TLN2: variants seen among roughly 807,000 people sequenced by gnomAD.
TLN2 encodes talin 2, also known as talin-2.
Under a neutral mutation model 294.7 loss-of-function variants are expected in TLN2, and 118 were observed. That is an observed-to-expected ratio of 0.40 (90% CI 0.34 to 0.47). TLN2 has a LOEUF of 0.47. Among genes scored for constraint, TLN2 ranks in the 20% least tolerant of loss-of-function variants. TLN2 has a pLI of 0.84. For missense variants in TLN2, 3,083 were observed against 3,282.2 expected (o/e 0.94, Z 1.48); for synonymous variants, 1,431 against 1,304.5 (o/e 1.10, Z -2.09).
At chr15:62,771,254 C>T in intron 42 of TLN2, 120 bp downstream of exon 42, 3 of 1,141,532 alleles carry the variant, frequency 2.6e-6, no homozygotes, top group East Asian at 2.6e-5. Flanking sequence ...ATTTGAGCTC[C>T]CACTCTGAGA....
At chr15:62,793,426 C>T (rs887938616) in intron 46 of TLN2, among the ~76,000 whole-genome samples, 6 of 152,166 alleles carry the variant, frequency 3.9e-5, no homozygotes, top group African/African-American at 1.4e-4. Flanking sequence ...ACTTGATTTC[C>T]TCATCTGTAA....
At chr15:62,835,193 G>A (rs1284209443) in intron 55 of TLN2, 3 of 154,040 alleles carry the variant, frequency 1.9e-5, no homozygotes, top group South Asian at 2.0e-4. Context: ...TAGAAACAGA[G>A]ATCCATATTT....
intron 1 of TLN2, among the ~76,000 whole-genome samples, chr15:62,501,085 A>G (rs942965195): frequency 1.3e-5 from 2 of 152,250 alleles, no homozygotes; most frequent in African/African-American, 4.8e-5. Context: ...GCAATGCGCC[A>G]TGGGGCATGT....
At chr15:62,610,585 CA>C (rs1427087604) in intron 2 of TLN2, among the ~76,000 whole-genome samples, 1 of 152,170 alleles carries the variant, frequency 6.6e-6, no homozygotes, top group Non-Finnish European at 1.5e-5. Context: ...GCACAATCAA[CA>C]AAAGGCAGAA....
intron 1 of TLN2, among the ~76,000 whole-genome samples, chr15:62,502,277 G>T (rs2140432132): frequency 6.6e-6 from 1 of 152,290 alleles, no homozygotes; most frequent in East Asian, 1.9e-4. Context: ...TACTATATTT[G>T]ACAGCTTTTC....
At position 62,466,225 on chromosome 15, in the gene TLN2, C is replaced by G. The variant is rs528177698; in HGVS notation, c.-238+75540C>G. On this transcript the variant is annotated intron_variant, in intron 1 of 58. Transcript: ENST00000636159. ...ACAGGCCAACCTCTCTGTTTAGTGA[C>G]AATGAACCAGAGACCCAGGAAGGTC... Among the ~76,000 whole-genome samples, 4 of 152,300 alleles carry G rather than the reference C, an allele frequency of 2.6e-5. No individual in the cohort carries two copies. In the East Asian group the frequency reaches 5.8e-4, roughly 22 times the overall value.
chr15:62,592,022 G>T (rs2046118042), intron 2 of TLN2, among the ~76,000 whole-genome samples: 1 of 152,184 alleles, frequency 6.6e-6, no homozygotes, highest in Non-Finnish European at 1.5e-5. Flanking sequence ...AGTGTTCTGG[G>T]TGGATTCTTA....
intron 48 of TLN2, among the ~76,000 whole-genome samples, chr15:62,800,145 C>T (rs1407993799): frequency 2.0e-5 from 3 of 152,186 alleles, no homozygotes; most frequent in African/African-American, 4.8e-5. Flanking sequence ...CTGACTTCTC[C>T]GTTCTGGCTC....
chr15:62,470,779 G>C (rs572473332), intron 1 of TLN2, among the ~76,000 whole-genome samples: 3 of 152,314 alleles, frequency 2.0e-5, no homozygotes, highest in African/African-American at 7.2e-5. Context: ...TAAAAGTTTG[G>C]TGACACTTCC....
At chr15:62,606,909 C>T (rs2047498886) in intron 2 of TLN2, among the ~76,000 whole-genome samples, 1 of 152,170 alleles carries the variant, frequency 6.6e-6, no homozygotes, top group African/African-American at 2.4e-5. Flanking sequence ...TGGCACAGAG[C>T]AAGTGCTCCA....
At chr15:62,554,993 A>AC (rs2042528290) in intron 1 of TLN2, among the ~76,000 whole-genome samples, 1 of 66,662 alleles carries the variant, frequency 1.5e-5, no homozygotes. Context: ...CTATTTAGAA[A>AC]GAAAAAAAAA....
At chr15:62,775,430 A>G (rs2063649848) in intron 42 of TLN2, among the ~76,000 whole-genome samples, 1 of 152,206 alleles carries the variant, frequency 6.6e-6, no homozygotes, top group Admixed American at 6.5e-5. Flanking sequence ...GAAATCAGCT[A>G]TCAACCCAAA....
intron 45 of TLN2, among the ~76,000 whole-genome samples, chr15:62,787,805 C>T (rs140518741): frequency 0.019 from 2,891 of 149,674 alleles, 27 homozygotes; most frequent in Middle Eastern, 0.027. Flanking sequence ...GATTCTCCTG[C>T]CTCAGCCTCC....
At chr15:62,780,653 G>A (rs572377328) in intron 43 of TLN2, among the ~76,000 whole-genome samples, 19 of 152,188 alleles carry the variant, frequency 1.2e-4, no homozygotes, top group African/African-American at 3.4e-4. Flanking sequence ...TCTATTCCCC[G>A]ATTGTGCTCA....
chr15:62,393,048 A>G (rs1042050090), intron 1 of TLN2, among the ~76,000 whole-genome samples: 8 of 151,970 alleles, frequency 5.3e-5, no homozygotes, highest in African/African-American at 1.9e-4. Flanking sequence ...AGAGCCCAAG[A>G]TATATTTTTC....
rs551226782 is a variant in TLN2 at position 62,426,143 on chromosome 15, T to C, written c.-238+35458T>C. Among the ~76,000 whole-genome samples the C allele has an allele frequency of 4.6e-5, 7 of 152,320 alleles. No homozygotes were observed. The East Asian group carries it at 1.2e-3, about 25-fold the overall frequency. On this transcript the variant is annotated intron_variant, in intron 1 of 58. Transcript: ENST00000636159. Reference sequence around the variant, plus strand: ...TCTAAGACCCTGCCTGAGGAGGGCCTTGGAGAAGCCATGGGGTGGTGTCCT... The same window carrying C: ...TCTAAGACCCTGCCTGAGGAGGGCCCTGGAGAAGCCATGGGGTGGTGTCCT...
At chr15:62,418,319 T>C (rs1443485615) in intron 1 of TLN2, among the ~76,000 whole-genome samples, 1 of 152,210 alleles carries the variant, frequency 6.6e-6, no homozygotes, top group African/African-American at 2.4e-5. Context: ...TAGACTATTC[T>C]AGAATCAACA....
At chr15:62,806,370 C>T (rs1437075955) in intron 51 of TLN2, among the ~76,000 whole-genome samples, 5 of 152,088 alleles carry the variant, frequency 3.3e-5, no homozygotes, top group Admixed American at 2.0e-4. Context: ...GTGGTGGAGG[C>T]CTCTCCGAGG....
At chr15:62,405,750 T>C (rs62004747) in intron 1 of TLN2, among the ~76,000 whole-genome samples, 1 of 152,162 alleles carries the variant, frequency 6.6e-6, no homozygotes, top group Non-Finnish European at 1.5e-5. Flanking sequence ...TGAGTGCTGC[T>C]CTGACAGAAG....
Sources: gnomAD v4.1 joint callset for allele counts (sites outside exome capture counted in the v4.1 genomes callset) on GRCh38, gnomAD v4.1.1 for gene constraint, MANE v1.5 for transcripts, NCBI Gene and HGNC (gene_info 2026-07-23, HGNC 2026-07-21) for gene names.